Variants in UNC5B observed in about 807,000 individuals in gnomAD.
The protein encoded by UNC5B is netrin receptor UNC5B.
UNC5B carries 56 observed loss-of-function variants against 103.7 expected under a neutral mutation model. That is an observed-to-expected ratio of 0.54 (90% confidence interval 0.44 to 0.67). The LOEUF is 0.67. Among genes scored for constraint, UNC5B ranks in the 30% least tolerant of loss-of-function variants. The pLI, the probability that UNC5B is intolerant of heterozygous loss-of-function variation, is 0.00. For synonymous variants in UNC5B, 577 were observed against 542.0 expected, an observed-to-expected ratio of 1.06 and a Z score of -0.90; for missense variants, 1,194 against 1,284.5, an observed-to-expected ratio of 0.93 and a Z score of 1.08.
chr10:71,222,004 A>G (rs1843461936), intron 1 of UNC5B, among the ~76,000 whole-genome samples: 1 of 152,140 alleles, frequency 6.6e-6, no homozygotes, highest in Admixed American at 6.5e-5. Context: ...CATCATCATC[A>G]TCATCATCAT....
At chr10:71,239,714 G>A (rs184161863) in intron 1 of UNC5B, among the ~76,000 whole-genome samples, 181 of 152,096 alleles carry the variant, frequency 1.2e-3, no homozygotes, top group South Asian at 2.3e-3. Context: ...ACACACCCCT[G>A]CTGGATGGGT....
At chr10:71,233,872 C>A (rs1054941453) in intron 1 of UNC5B, among the ~76,000 whole-genome samples, 1 of 152,246 alleles carries the variant, frequency 6.6e-6, no homozygotes, top group Non-Finnish European at 1.5e-5. Context: ...CTGCAGGAGG[C>A]CAGCCCACTC....
At chr10:71,215,446 C>T (rs2132232319) in intron 1 of UNC5B, among the ~76,000 whole-genome samples, 2 of 152,254 alleles carry the variant, frequency 1.3e-5, no homozygotes, top group Middle Eastern at 3.4e-3. Flanking sequence ...GTGGCAGGCA[C>T]CTCTCTCTCC....
At position 71,215,291 on chromosome 10, in the gene UNC5B, T is replaced by C. The variant is rs116655658; in HGVS notation, c.79+2227T>C. The stretch of plus-strand genomic sequence containing the variant: ...AGACATGTGAAGGGCTCCTGTCCAA[T>C]AGCCAGACTGATTCAAGCCCAGCAG... On this transcript the variant is annotated intron_variant, in intron 1 of 16. Transcript: ENST00000335350. Among the ~76,000 whole-genome samples, 560 of 152,288 alleles carry C rather than the reference T, an allele frequency of 3.7e-3. 4 individuals are homozygous for C. The highest frequency in any genetic ancestry group is 0.013 in the African/African-American group (537 of 41,554).
Position 71,299,154 on chromosome 10 carries a change from G to A in UNC5B, c.2715G>A (p.Val905=). The change falls in exon 17 of 17, where the codon GTG becomes GTA. Residue 905 remains valine (V), a synonymous_variant. Transcript: ENST00000335350. Reference sequence around the variant, plus strand: ...CCACCAAAGCGAGCCCCACGGGTGTGATCCTGGACCTCTGGGAAGCTCTGC... The same window carrying A: ...CCACCAAAGCGAGCCCCACGGGTGTAATCCTGGACCTCTGGGAAGCTCTGC... ...YFATKASPTG[V]ILDLWEALQQ... is the part of the protein sequence containing the mutation. 6.2e-7 allele frequency: 1 copy of A among 1,614,242 alleles called. No homozygotes were observed. The highest frequency in any genetic ancestry group is 1.6e-4 in the Middle Eastern group (1 of 6,062).
Position 71,279,017 on chromosome 10 carries a change from G to A in UNC5B, c.80-804G>A, listed in dbSNP as rs114984152. Reference sequence around the variant, plus strand: ...GAGGTGCAGTTCTTTCCAGGGAGACGGTGGGCCAGGATTTCCATCTGGCCC... The same window carrying A: ...GAGGTGCAGTTCTTTCCAGGGAGACAGTGGGCCAGGATTTCCATCTGGCCC... On this transcript the variant is annotated intron_variant, in intron 1 of 16. Transcript: ENST00000335350. 2.6e-3 allele frequency among the ~76,000 whole-genome samples: 396 copies of A among 152,298 alleles called. 2 individuals carry two copies. The highest frequency in any genetic ancestry group is 9.0e-3 in the African/African-American group (374 of 41,554).
At chr10:71,249,946 G>T (rs1477587935) in intron 1 of UNC5B, among the ~76,000 whole-genome samples, 2 of 152,174 alleles carry the variant, frequency 1.3e-5, no homozygotes, top group African/African-American at 2.4e-5. Flanking sequence ...GTGGGGACGT[G>T]GTTCCTCTCC....
chr10:71,238,365 A>G (rs984979684), intron 1 of UNC5B, among the ~76,000 whole-genome samples: 4 of 152,118 alleles, frequency 2.6e-5, no homozygotes, highest in Admixed American at 6.5e-5. Context: ...AGTGACCCCA[A>G]GTTTTGTTGC....
chr10:71,258,241 T>C (rs1844337187), intron 1 of UNC5B, among the ~76,000 whole-genome samples: 2 of 152,168 alleles, frequency 1.3e-5, no homozygotes, highest in South Asian at 2.1e-4. Context: ...CACTCTCTAG[T>C]GCCACATGGG....
chr10:71,221,675 G>A (rs930752622), intron 1 of UNC5B, among the ~76,000 whole-genome samples: 1 of 152,212 alleles, frequency 6.6e-6, no homozygotes, highest in African/African-American at 2.4e-5. Flanking sequence ...GTGCAAGGGG[G>A]ATTAGGATGA....
Position 71,213,170 on chromosome 10 carries a change from C to A in UNC5B, c.79+106C>A, listed in dbSNP as rs938350195. 8 of 937,080 alleles carry A rather than the reference C, an allele frequency of 8.5e-6. No homozygotes were observed. Among genetic ancestry groups the A allele is most frequent in the South Asian group, 5.2e-5 (1 of 19,262 alleles). The allele number at this position is 937,080 out of a possible 1,614,324, so 58.0% of individuals were successfully genotyped here. A position where few individuals can be genotyped will look rare whatever the true frequency, so the allele number is the denominator to read the frequency against. On this transcript the variant is annotated intron_variant, in intron 1 of 16. Transcript: ENST00000335350. This position sits in a 1 kb window ranked among gnomAD's most constrained non-coding sequence, Gnocchi z 4.1. ...GTCGCATCGATGCGCGCAGGAAAAG[C>A]GGCAAGGGCGCCCAAGTTAGAATGT... is the stretch of plus-strand genomic sequence containing the variant.
At position 71,291,378 on chromosome 10, in the gene UNC5B, T is replaced by A. The variant is rs550364966; in HGVS notation, c.1295-54T>A. ...TTGGGTGGGATTTTGCAGTGGGAGC[T>A]GGGCCAGTGAGCTGAGGCACAGCTG... On this transcript the variant is annotated intron_variant, in intron 9 of 16. Coordinates refer to ENST00000335350, the MANE Select transcript of UNC5B (RefSeq NM_170744.5). 659 of 1,534,226 alleles carry A rather than the reference T, an allele frequency of 4.3e-4. 1 individual carries two copies. Among genetic ancestry groups the A allele is most frequent in the Non-Finnish European group, 5.3e-4 (609 of 1,140,284 alleles).
chr10:71,234,308 A>T (rs1843735199), intron 1 of UNC5B, among the ~76,000 whole-genome samples: 1 of 152,174 alleles, frequency 6.6e-6, no homozygotes, highest in South Asian at 2.1e-4. Context: ...CACGGAGATG[A>T]GGCTTCATTC....
At chr10:71,240,535 C>A (rs1843875477) in intron 1 of UNC5B, among the ~76,000 whole-genome samples, 1 of 152,208 alleles carries the variant, frequency 6.6e-6, no homozygotes, top group Non-Finnish European at 1.5e-5. Flanking sequence ...AGGTCCAAAC[C>A]CCATCCCTCG....
At chr10:71,222,374 T>C (rs1843470226) in intron 1 of UNC5B, among the ~76,000 whole-genome samples, 1 of 152,212 alleles carries the variant, frequency 6.6e-6, no homozygotes, top group African/African-American at 2.4e-5. Context: ...GCTCACTCTC[T>C]GTGCCTCAGC....
rs543519250 is a variant in UNC5B at position 71,291,606 on chromosome 10, C to T, written c.1469C>T (p.Thr490Met). The change falls in exon 10 of 17, where the codon ACG (threonine) becomes ATG (methionine). Residue 490 changes from threonine to methionine, a missense_variant. Coordinates refer to ENST00000335350, the MANE Select transcript of UNC5B (RefSeq NM_170744.5). Reference sequence around the variant, plus strand: ...GTCAAGGTCTACAGCTCCAGCACCACGGGCTCTGGGCCAGGCCTGGCAGAT... The same window carrying T: ...GTCAAGGTCTACAGCTCCAGCACCATGGGCTCTGGGCCAGGCCTGGCAGAT... The part of the protein sequence containing the change: ...LKVKVYSSST[T>M]GSGPGLADGA... 8.7e-6 allele frequency: 14 copies of T among 1,614,106 alleles called. No individual in the cohort carries two copies. Among genetic ancestry groups the T allele is most frequent in the East Asian group, 2.2e-5 (1 of 44,876 alleles).
chr10:71,267,504 G>T (rs1177226523), intron 1 of UNC5B, among the ~76,000 whole-genome samples: 1 of 152,186 alleles, frequency 6.6e-6, no homozygotes, highest in Non-Finnish European at 1.5e-5. Context: ...ATGGCTATGG[G>T]GGTAGGCTGG....
In UNC5B at chr10:71,234,931, C is replaced by G. The variant is rs1003456232; in HGVS notation, c.79+21867C>G. Among the ~76,000 whole-genome samples, 6 of 152,178 alleles carry G rather than the reference C, an allele frequency of 3.9e-5. No individual in the cohort carries two copies. In the East Asian group the frequency reaches 1.2e-3, roughly 29 times the overall value. On this transcript the variant is annotated intron_variant, in intron 1 of 16. Coordinates refer to ENST00000335350, the MANE Select transcript of UNC5B (RefSeq NM_170744.5). ...GGGTTGAGGGGACAGGATTTGGCATCCAGATCCCCTCCCCAGCAGGCCAGA... is the reference window on the plus strand; with the variant it reads ...GGGTTGAGGGGACAGGATTTGGCATGCAGATCCCCTCCCCAGCAGGCCAGA...
At chr10:71,235,376 G>A (rs973851156) in intron 1 of UNC5B, among the ~76,000 whole-genome samples, 1 of 152,216 alleles carries the variant, frequency 6.6e-6, no homozygotes, top group African/African-American at 2.4e-5. Context: ...CCTGAACTCA[G>A]CAGAGAGCTG....
Sources: gnomAD v4.1 joint callset for allele counts (sites outside exome capture counted in the v4.1 genomes callset) on GRCh38, gnomAD v4.1.1 for gene constraint, Gnocchi (gnomAD v3.1) non-coding constraint, MANE v1.5 for transcripts, NCBI Gene and HGNC (gene_info 2026-07-23, HGNC 2026-07-21) for gene names.